Variants in RGMA observed in about 807,000 individuals in gnomAD.
RGMA encodes repulsive guidance molecule BMP co-receptor a.
Under a neutral mutation model 23.2 loss-of-function variants are expected in RGMA, and 10 were observed. The observed-to-expected ratio is 0.43, with a 90% CI of 0.27 to 0.73. RGMA has a LOEUF of 0.73. RGMA is among the 30% of genes least tolerant of loss of function. The probability of loss-of-function intolerance (pLI) is 0.20; values close to 1 mark genes in which losing one functional copy is unlikely to be tolerated. For missense variants in RGMA, 547 were observed against 630.5 expected, an observed-to-expected ratio of 0.87 and a Z score of 1.42; for synonymous variants, 308 against 279.3, an observed-to-expected ratio of 1.10 and a Z score of -1.03.
In RGMA at chr15:93,089,020, G is replaced by A; in HGVS notation, c.-88C>T. 1 of 803,852 alleles carries A rather than the reference G, an allele frequency of 1.2e-6. No individual in the cohort carries two copies. The highest frequency in any genetic ancestry group is 1.7e-6 in the Non-Finnish European group (1 of 573,210). 49.8% of individuals were successfully genotyped at this position (803,852 alleles called of 1,614,324 possible). A position where few individuals can be genotyped will look rare whatever the true frequency, so the allele number is the denominator to read the frequency against. Reference sequence around the variant, plus strand: ...GCGCCGCTCGTCTGCCCCGGGGCAAGGTGGGAGGGGCTCCGCTGGCGCTGG... The same window carrying A: ...GCGCCGCTCGTCTGCCCCGGGGCAAAGTGGGAGGGGCTCCGCTGGCGCTGG... On this transcript the variant is annotated 5_prime_UTR_variant, in exon 1 of 4. Coordinates refer to ENST00000329082, the MANE Select transcript of RGMA (RefSeq NM_020211.3).
chr15:93,054,905 A>G (rs1203163802), intron 2 of RGMA, among the ~76,000 whole-genome samples: 1 of 152,074 alleles, frequency 6.6e-6, no homozygotes, highest in East Asian at 1.9e-4. Flanking sequence ...GTAGGCTTTG[A>G]AATGTTGGTG....
chr15:93,039,478 G>A lies in RGMA; in HGVS notation c.*5520C>T, dbSNP rs557863812. On this transcript the variant is annotated 3_prime_UTR_variant, in exon 4 of 4. Transcript: ENST00000329082. ...TACATAGGTATACACGTGCCATGGTGGTTTGCTGCACCTATGAACCCGTCA... is the reference window on the plus strand; with the variant it reads ...TACATAGGTATACACGTGCCATGGTAGTTTGCTGCACCTATGAACCCGTCA... 6.6e-6 allele frequency: 1 copy of A among 152,244 alleles called. No individual in the cohort carries two copies. The highest frequency in any genetic ancestry group is 1.9e-4 in the East Asian group (1 of 5,176). The allele number at this position is 152,244 out of a possible 1,614,324, so 9.4% of individuals were successfully genotyped here. A position where few individuals can be genotyped will look rare whatever the true frequency, so the allele number is the denominator to read the frequency against.
intron 1 of RGMA, chr15:93,073,932 G>T: frequency 7.0e-7 from 1 of 1,431,834 alleles, no homozygotes; most frequent in South Asian, 1.5e-5. Context: ...AGGGCCGGAT[G>T]GTTTGGCGCT....
At position 93,052,166 on chromosome 15, in the gene RGMA, G is replaced by A. The variant is rs1299872118; in HGVS notation, c.472C>T (p.Pro158Ser). 1.9e-6 allele frequency: 3 copies of A among 1,613,480 alleles called. No homozygotes were observed. Among genetic ancestry groups the A allele is most frequent in the Non-Finnish European group, 2.5e-6 (3 of 1,179,580 alleles). ...EKSFHKHSAT[P>S]NYTHCGLFGD... ...AAGAGGCCACAGTGCGTGTAGTTGG[G>A]GGTGGCCGAGTGCTTGTGAAAGCTC... The change falls in exon 3 of 4, where the codon CCC becomes TCC. Residue 158 changes from proline (P) to serine (S), a missense_variant. Pro to Ser is a moderately conservative substitution (Grantham distance 74). This residue lies in a region of RGMA where 214 missense variants were observed against 234.7 expected (regional missense o/e 0.91). Coordinates refer to ENST00000329082, the MANE Select transcript of RGMA (RefSeq NM_020211.3).
intron 2 of RGMA, among the ~76,000 whole-genome samples, chr15:93,053,450 A>ACAGCC (rs2054961417): frequency 6.6e-6 from 1 of 152,162 alleles, no homozygotes; most frequent in African/African-American, 2.4e-5. Context: ...CTCTGGGGTC[A>ACAGCC]CAGCCCAGTC....
At chr15:93,047,670 G>A (rs2054846801) in intron 3 of RGMA, among the ~76,000 whole-genome samples, 1 of 152,132 alleles carries the variant, frequency 6.6e-6, no homozygotes, top group Non-Finnish European at 1.5e-5. Context: ...AGGGTCTGCA[G>A]GCTGAAGGGG....
At chr15:93,074,248 A>G (rs762727513) in intron 1 of RGMA, 6 of 178,424 alleles carry the variant, frequency 3.4e-5, no homozygotes, top group African/African-American at 4.8e-5. Context: ...TTTTTATCCA[A>G]TTTGGAGGTT....
chr15:93,074,902 T>A (rs1490248576), intron 1 of RGMA, among the ~76,000 whole-genome samples: 1 of 152,062 alleles, frequency 6.6e-6, no homozygotes, highest in Non-Finnish European at 1.5e-5. Context: ...AGTTCTAGAG[T>A]CTCTCGCCAA....
chr15:93,049,781 C>A (rs2054887907), intron 3 of RGMA, among the ~76,000 whole-genome samples: 1 of 152,306 alleles, frequency 6.6e-6, no homozygotes, highest in South Asian at 2.1e-4. Flanking sequence ...TGAGGAGAGG[C>A]CCTCAAGGGC....
rs1176076892 is a variant in RGMA at position 93,043,255 on chromosome 15, C to CGCACGCGCACACACAGGCAT, written c.*1742_*1743insATGCCTGTGTGTGCGCGTGC. On this transcript the variant is annotated 3_prime_UTR_variant, in exon 4 of 4. Transcript: ENST00000329082. The stretch of plus-strand genomic sequence containing the variant: ...ATGCGTACATGCACGCACACAGGCA[C>CGCACGCGCACACACAGGCAT]GCACACACACAGGCATGCATACACA... The CGCACGCGCACACACAGGCAT allele has an allele frequency of 2.9e-5, 4 of 138,098 alleles. No homozygotes were observed. Among genetic ancestry groups the CGCACGCGCACACACAGGCAT allele is most frequent in the African/African-American group, 1.0e-4 (4 of 40,048 alleles). 8.6% of individuals were successfully genotyped at this position (138,098 alleles called of 1,614,324 possible).
At chr15:93,088,408 C>A (rs1315905198) in intron 1 of RGMA, 10 of 985,606 alleles carry the variant, frequency 1.0e-5, no homozygotes, top group Non-Finnish European at 1.2e-5. Context: ...CCTTCCCGTA[C>A]GCCGGCGCGC....
chr15:93,081,927 T>A (rs1895565051), intron 1 of RGMA, among the ~76,000 whole-genome samples: 1 of 152,262 alleles, frequency 6.6e-6, no homozygotes, highest in Non-Finnish European at 1.5e-5. Context: ...TTGTCAAGGC[T>A]AAGGGAATTT....
chr15:93,087,489 A>C (rs1895657947), intron 1 of RGMA, among the ~76,000 whole-genome samples: 1 of 141,668 alleles, frequency 7.1e-6, no homozygotes, highest in Non-Finnish European at 1.6e-5. Flanking sequence ...AAAAAACCAC[A>C]AAACCCAGTT....
rs754468045 is a variant in RGMA, at chr15:93,088,949, CG to C, written c.-18del. The C allele has an allele frequency of 9.2e-5, 128 of 1,396,308 alleles. No individual in the cohort carries two copies. The highest frequency in any genetic ancestry group is 1.1e-4 in the Non-Finnish European group (122 of 1,082,734). The allele number at this position is 1,396,308 out of a possible 1,614,324, so 86.5% of individuals were successfully genotyped here. On this transcript the variant is annotated 5_prime_UTR_variant, in exon 1 of 4. Transcript: ENST00000329082. ...CGGCTGCATGAGCCCCTGCGGCCCG[CG>C]GGGGGTGGCGCTGGCGGGGCTGCGG...
At chr15:93,048,743 T>C (rs903676059) in intron 3 of RGMA, among the ~76,000 whole-genome samples, 1 of 152,130 alleles carries the variant, frequency 6.6e-6, no homozygotes, top group African/African-American at 2.4e-5. Context: ...TTCTTCCTTC[T>C]TTCCACCCAC....
chr15:93,076,037 A>C lies in RGMA; in HGVS notation c.15-3006T>G, dbSNP rs547565556. Among the ~76,000 whole-genome samples the C allele has an allele frequency of 3.3e-5, 5 of 152,366 alleles. No homozygotes were observed. The East Asian group carries it at 9.6e-4, about 29-fold the overall frequency. On this transcript the variant is annotated intron_variant, in intron 1 of 3. Coordinates refer to ENST00000329082, the MANE Select transcript of RGMA (RefSeq NM_020211.3). Reference sequence around the variant, plus strand: ...CTCTCTGCAGGAATAAAAAATTCCTAAAACGTTAGATTTGAGAACTCAGCA... The same window carrying C: ...CTCTCTGCAGGAATAAAAAATTCCTCAAACGTTAGATTTGAGAACTCAGCA...
At chr15:93,076,403 G>A (rs148140367) in intron 1 of RGMA, among the ~76,000 whole-genome samples, 3 of 152,296 alleles carry the variant, frequency 2.0e-5, no homozygotes, top group Non-Finnish European at 2.9e-5. Flanking sequence ...CTGCTTCTAG[G>A]TATGAACAGA....
At chr15:93,051,536 A>G (rs1396384566) in intron 3 of RGMA, among the ~76,000 whole-genome samples, 1 of 152,010 alleles carries the variant, frequency 6.6e-6, no homozygotes, top group Admixed American at 6.5e-5. Context: ...GCGTGGGTCC[A>G]TGGCTGTGTG....
At chr15:93,051,777 G>A (rs58020644) in intron 3 of RGMA, among the ~76,000 whole-genome samples, 13,562 of 152,308 alleles carry the variant, frequency 0.089, 713 homozygotes, top group African/African-American at 0.14. Flanking sequence ...CATTTGTGAA[G>A]TGGAGCTATG....
Sources: allele counts gnomAD v4.1 joint callset (sites outside exome capture counted in the v4.1 genomes callset), GRCh38; gene constraint gnomAD v4.1.1; regional missense constraint gnomAD v4.1.1; transcripts MANE v1.5; gene names NCBI Gene and HGNC (gene_info 2026-07-23, HGNC 2026-07-21).